The following LRP1B variants were observed in gnomAD, a reference collection of about 807,000 sequenced individuals.
The protein encoded by LRP1B is low-density lipoprotein receptor-related protein 1B.
Under a neutral mutation model 556.6 loss-of-function variants are expected in LRP1B, and 217 were observed. The ratio of observed to expected loss-of-function variants is 0.39; its 90% CI spans 0.35 to 0.44. The LOEUF (loss-of-function observed/expected upper bound fraction) is 0.44. Ranked by LOEUF, LRP1B falls within the 20% of genes least tolerant of loss-of-function variation. LRP1B has a pLI of 1.00. For missense variants in LRP1B, 5,053 were observed against 5,620.8 expected (o/e 0.90, Z 3.23); for synonymous variants, 2,047 against 1,865.8 (o/e 1.10, Z -2.50).
intron 43 of LRP1B, among the ~76,000 whole-genome samples, chr2:140,551,112 G>A (rs1322072031): frequency 6.6e-6 from 1 of 152,150 alleles, no homozygotes; most frequent in Non-Finnish European, 1.5e-5. Flanking sequence ...CCCCAGAATT[G>A]TGAGAAATAA....
rs190500742 is a variant in LRP1B at position 141,582,998 on chromosome 2, G to C, written c.206-102465C>G. On this transcript the variant is annotated intron_variant, in intron 2 of 90. Coordinates refer to ENST00000389484, the MANE Select transcript of LRP1B (RefSeq NM_018557.3). ...CTACAGGCACCCGCCACCATGCCTG[G>C]CTAATTTTTTTGTATTTTTAGTAGA... 3.7e-3 allele frequency among the ~76,000 whole-genome samples: 557 copies of C among 151,896 alleles called. 4 individuals are homozygous for C. Among genetic ancestry groups the C allele is most frequent in the African/African-American group, 0.013 (547 of 41,418 alleles).
chr2:141,299,834 A>G (rs1206920448), intron 3 of LRP1B, among the ~76,000 whole-genome samples: 1 of 152,168 alleles, frequency 6.6e-6, no homozygotes, highest in Non-Finnish European at 1.5e-5. Flanking sequence ...TGGGCCCAGG[A>G]CTTCAATATT....
At chr2:141,023,440 G>A (rs1698124098) in intron 11 of LRP1B, among the ~76,000 whole-genome samples, 1 of 151,854 alleles carries the variant, frequency 6.6e-6, no homozygotes, top group Non-Finnish European at 1.5e-5. Context: ...GAATAATGAT[G>A]TGGATTTAAA....
At chr2:140,850,698 G>A (rs181242015) in intron 28 of LRP1B, among the ~76,000 whole-genome samples, 111 of 152,154 alleles carry the variant, frequency 7.3e-4, no homozygotes, top group African/African-American at 2.6e-3. Flanking sequence ...AAGATTTTGA[G>A]GGAATCTAAC....
intron 7 of LRP1B, among the ~76,000 whole-genome samples, chr2:141,145,395 G>C (rs965203778): frequency 8.3e-6 from 1 of 120,354 alleles, no homozygotes; most frequent in African/African-American, 4.0e-5. Flanking sequence ...TATTTCATTC[G>C]TATAGATTAC....
intron 2 of LRP1B, among the ~76,000 whole-genome samples, chr2:141,598,821 T>A (rs1687616507): frequency 6.6e-6 from 1 of 151,764 alleles, no homozygotes; most frequent in African/African-American, 2.4e-5. Flanking sequence ...CAGAGAAAGC[T>A]CCATGACACA....
chr2:141,314,859 T>TATATATACAC (rs1553493276), intron 3 of LRP1B, among the ~76,000 whole-genome samples: 14 of 137,386 alleles, frequency 1.0e-4, no homozygotes, highest in African/African-American at 2.5e-4. Context: ...TATATATACA[T>TATATATACAC]ATATATACAT....
intron 43 of LRP1B, among the ~76,000 whole-genome samples, chr2:140,581,233 C>T (rs1681750160): frequency 6.6e-6 from 1 of 152,172 alleles, no homozygotes; most frequent in Admixed American, 6.5e-5. Context: ...ACGAAGGTAA[C>T]ATTATTCAAA....
intron 2 of LRP1B, among the ~76,000 whole-genome samples, chr2:141,770,898 C>T (rs568008824): frequency 1.2e-3 from 184 of 152,156 alleles, no homozygotes; most frequent in Non-Finnish European, 2.2e-3. Context: ...AAAAATAGCC[C>T]TCAGCTTCTC....
intron 18 of LRP1B, among the ~76,000 whole-genome samples, chr2:140,971,751 G>C (rs1447458816): frequency 6.6e-6 from 1 of 152,198 alleles, no homozygotes; most frequent in African/African-American, 2.4e-5. Context: ...GGAGAATGGT[G>C]TGAACCCAAG....
chr2:141,604,210 T>C (rs1255362800), intron 2 of LRP1B, among the ~76,000 whole-genome samples: 1 of 152,142 alleles, frequency 6.6e-6, no homozygotes, highest in African/African-American at 2.4e-5. Flanking sequence ...ATGAAACTAT[T>C]ATATAAATTT....
chr2:141,099,060 G>A (rs1410225676), intron 7 of LRP1B, among the ~76,000 whole-genome samples: 3 of 151,958 alleles, frequency 2.0e-5, no homozygotes, highest in Non-Finnish European at 4.4e-5. Flanking sequence ...TAAGTCTAGG[G>A]GACATGGAAA....
chr2:141,161,866 CA>C (rs1372575614), intron 7 of LRP1B, among the ~76,000 whole-genome samples: 1 of 152,020 alleles, frequency 6.6e-6, no homozygotes, highest in Non-Finnish European at 1.5e-5. Flanking sequence ...GATATGAGAG[CA>C]GGGGGAAGTG....
chr2:140,472,253 A>G lies in LRP1B; in HGVS notation c.9625+2885T>C, dbSNP rs1395367072. ...ATGAATGAATAAATGAATGATGGGCATAGTTAACAGGAAGAAATCAGAGCA... is the reference window on the plus strand; with the variant it reads ...ATGAATGAATAAATGAATGATGGGCGTAGTTAACAGGAAGAAATCAGAGCA... On this transcript the variant is annotated intron_variant, in intron 60 of 90. Coordinates refer to ENST00000389484, the MANE Select transcript of LRP1B (RefSeq NM_018557.3). 2.0e-5 allele frequency among the ~76,000 whole-genome samples: 3 copies of G among 152,144 alleles called. No homozygotes were observed. In the South Asian group the frequency reaches 6.2e-4, roughly 31 times the overall value.
intron 6 of LRP1B, among the ~76,000 whole-genome samples, chr2:141,209,018 A>G (rs778669305): frequency 1.6e-4 from 24 of 151,682 alleles, no homozygotes; most frequent in Non-Finnish European, 3.1e-4. Context: ...GCTAATATGT[A>G]TTAGATATAT....
At position 140,868,143 on chromosome 2, in the gene LRP1B, T is replaced by C. The variant is rs770046790; in HGVS notation, c.4290A>G (p.Leu1430=). 12 of 1,611,590 alleles carry C rather than the reference T, an allele frequency of 7.4e-6. No homozygotes were observed. The highest frequency in any genetic ancestry group is 5.5e-5 in the South Asian group (5 of 90,838). ...DMKTGAWPNG[L]TVDHFEKRIV... is the part of the protein sequence containing the mutation. ...TCCTTTTCTCAAAGTGGTCCACAGT[T>C]AGTCCATTAGGCCAAGCCCCAGTTT... The change falls in exon 26 of 91, where the codon CTA becomes CTG. Residue 1430 remains leucine, a synonymous_variant. Coordinates refer to ENST00000389484, the MANE Select transcript of LRP1B (RefSeq NM_018557.3).
chr2:141,594,659 T>C (rs1414632340), intron 2 of LRP1B, among the ~76,000 whole-genome samples: 8 of 152,204 alleles, frequency 5.3e-5, no homozygotes. Flanking sequence ...ATCAAAATTG[T>C]CATTTGGTTG....
rs1242540273 is a variant in LRP1B, at chr2:141,229,372, C to T, written c.661G>A (p.Gly221Arg). ...FETIEVFYLN[G>R]SKMATLSSVN... ...GAGCTTAGAGTTGCCATTTTACTTC[C>T]ATTAAGATAGAAAACCTCAATTGTT... The change falls in exon 6 of 91, where the codon GGA becomes AGA. Residue 221 changes from glycine to arginine, a missense_variant. Coordinates refer to ENST00000389484, the MANE Select transcript of LRP1B (RefSeq NM_018557.3). 11 of 1,610,068 alleles carry T rather than the reference C, an allele frequency of 6.8e-6. No individual in the cohort carries two copies. Among genetic ancestry groups the T allele is most frequent in the Non-Finnish European group, 8.5e-6 (10 of 1,176,826 alleles).
At chr2:140,738,461 G>A (rs1204326248) in intron 35 of LRP1B, among the ~76,000 whole-genome samples, 2 of 152,008 alleles carry the variant, frequency 1.3e-5, no homozygotes, top group Admixed American at 6.6e-5. Flanking sequence ...TTTCTGAATG[G>A]GGAGAGCGTA....
Sources: allele counts gnomAD v4.1 joint callset (sites outside exome capture counted in the v4.1 genomes callset), GRCh38; gene constraint gnomAD v4.1.1; transcripts MANE v1.5; gene names NCBI Gene and HGNC (gene_info 2026-07-23, HGNC 2026-07-21).